EPM2A: variants seen among roughly 807,000 people sequenced by gnomAD.
EPM2A encodes laforin.
A neutral mutation model predicts 26.5 loss-of-function variants in EPM2A; 21 were observed. That is an observed-to-expected ratio of 0.79 (90% CI 0.56 to 1.14). The LOEUF is 1.14. Ranked by LOEUF, EPM2A falls within the 50% of genes most tolerant of loss-of-function variation. EPM2A has a pLI of 0.00. For synonymous variants in EPM2A, 217 were observed against 177.6 expected (o/e 1.22, Z -1.76); for missense variants, 458 against 440.8 (o/e 1.04, Z -0.35).
intron 4 of EPM2A, among the ~76,000 whole-genome samples, chr6:145,385,066 G>A (rs984628217): frequency 2.0e-5 from 3 of 147,702 alleles, no homozygotes. Context: ...CAGATGTTTA[G>A]AATAAATAAA....
rs537478468 is a variant in EPM2A, at chr6:145,555,782, T to C, written c.341-53207A>G. Among the ~76,000 whole-genome samples, 4 of 152,222 alleles carry C rather than the reference T, an allele frequency of 2.6e-5. No homozygotes were observed. In the South Asian group the frequency reaches 8.3e-4, roughly 32 times the overall value. On this transcript the variant is annotated intron_variant, in intron 2 of 3. Coordinates refer to the EPM2A transcript ENST00000450221. ...CAAGGCCAGTAGCCCAATCTGTTCC[T>C]CTAACCTAACTTGGCTTTGCTCTCT...
chr6:145,518,870 G>A (rs1002284075), intron 2 of EPM2A, among the ~76,000 whole-genome samples: 1 of 152,124 alleles, frequency 6.6e-6, no homozygotes, highest in Non-Finnish European at 1.5e-5. Flanking sequence ...AACATATATG[G>A]TGCAACTGTG....
At chr6:145,435,409 TTATATATATA>T (rs3063952) in intron 4 of EPM2A, among the ~76,000 whole-genome samples, 1 of 126,598 alleles carries the variant, frequency 7.9e-6, no homozygotes, top group Non-Finnish European at 1.7e-5. Context: ...AGTGAAGAAT[TTATATATATA>T]TATATATATA....
intron 2 of EPM2A, among the ~76,000 whole-genome samples, chr6:145,543,636 G>T (rs969194019): frequency 1.1e-4 from 16 of 152,134 alleles, no homozygotes; most frequent in African/African-American, 3.6e-4. Flanking sequence ...TTTCATCAAA[G>T]AAGGGGTTTC....
intron 1 of EPM2A, among the ~76,000 whole-genome samples, chr6:145,706,156 T>G (rs540355882): frequency 6.6e-6 from 1 of 152,334 alleles, no homozygotes; most frequent in Non-Finnish European, 1.5e-5. Flanking sequence ...TAGTACTTTA[T>G]CAGTGTAAAT....
chr6:145,662,847 T>A (rs1040265160), intron 2 of EPM2A, among the ~76,000 whole-genome samples: 2 of 152,290 alleles, frequency 1.3e-5, no homozygotes, highest in East Asian at 1.9e-4. Flanking sequence ...AAAGTGCTTA[T>A]ATAGGCCCTT....
chr6:145,417,891 G>A (rs1236539869), intron 4 of EPM2A, among the ~76,000 whole-genome samples: 2 of 152,038 alleles, frequency 1.3e-5, no homozygotes, highest in African/African-American at 2.4e-5. Flanking sequence ...TCCAGCAGCT[G>A]AGCCACACTC....
At chr6:145,594,194 A>G (rs1781310105) in intron 2 of EPM2A, among the ~76,000 whole-genome samples, 1 of 151,942 alleles carries the variant, frequency 6.6e-6, no homozygotes, top group South Asian at 2.1e-4. Context: ...AAAGACATAA[A>G]ATACCAAAGC....
chr6:145,692,194 A>T (rs926523285), intron 1 of EPM2A, among the ~76,000 whole-genome samples: 31 of 152,018 alleles, frequency 2.0e-4, no homozygotes, highest in African/African-American at 7.5e-4. Flanking sequence ...TGTATATATC[A>T]AACAGTAAGG....
At chr6:145,621,793 T>C (rs971584181), downstream of EPM2A, among the ~76,000 whole-genome samples, 8 of 152,198 alleles carry the variant, frequency 5.3e-5, no homozygotes, top group African/African-American at 1.9e-4. Flanking sequence ...TTGAGTTATT[T>C]GTTCTTTTGC....
intron 2 of EPM2A, among the ~76,000 whole-genome samples, chr6:145,575,785 T>G (rs1781022813): frequency 6.6e-6 from 1 of 152,194 alleles, no homozygotes; most frequent in Non-Finnish European, 1.5e-5. Flanking sequence ...TCCTTAGCAT[T>G]TTTGGGTCTA....
chr6:145,599,148 G>A (rs771211721), intron 2 of EPM2A, among the ~76,000 whole-genome samples: 2 of 152,130 alleles, frequency 1.3e-5, no homozygotes, highest in African/African-American at 4.8e-5. Flanking sequence ...TGTGAAGTAC[G>A]TCATTGGTAG....
chr6:145,525,173 C>T (rs1780253839), intron 2 of EPM2A, among the ~76,000 whole-genome samples: 1 of 151,952 alleles, frequency 6.6e-6, no homozygotes, highest in Admixed American at 6.6e-5. Flanking sequence ...TTACTGCAGC[C>T]TTACAGTACA....
intron 2 of EPM2A, among the ~76,000 whole-genome samples, chr6:145,540,314 T>A (rs73004508): frequency 2.0e-5 from 3 of 152,358 alleles, no homozygotes; most frequent in Non-Finnish European, 4.4e-5. Flanking sequence ...AAGTTACTGA[T>A]GCTGTGAAAG....
chr6:145,665,011 G>A (rs1779060319), intron 2 of EPM2A, among the ~76,000 whole-genome samples: 2 of 108,248 alleles, frequency 1.8e-5, no homozygotes, highest in Non-Finnish European at 3.7e-5. Context: ...CGCATTCAAA[G>A]CAGTGTGTAG....
intron 2 of EPM2A, among the ~76,000 whole-genome samples, chr6:145,547,332 CCTT>C (rs374547100): frequency 2.0e-5 from 3 of 152,086 alleles, no homozygotes; most frequent in African/African-American, 7.2e-5. Context: ...CTCTGGCTCT[CCTT>C]CTTCTGAGAC....
intron 2 of EPM2A, among the ~76,000 whole-genome samples, chr6:145,602,009 T>C (rs7762536): frequency 0.47 from 71,284 of 152,070 alleles, 17,507 homozygotes; most frequent in African/African-American, 0.6. Context: ...ATTAAATGAC[T>C]TCTTGTCATA....
intron 2 of EPM2A, among the ~76,000 whole-genome samples, chr6:145,677,698 A>G (rs1780168612): frequency 6.6e-6 from 1 of 152,182 alleles, no homozygotes; most frequent in East Asian, 1.9e-4. Flanking sequence ...AGAGAATAAA[A>G]TACCTAGGAA....
chr6:145,484,719 C>T (rs1160341309), intron 4 of EPM2A, among the ~76,000 whole-genome samples: 6 of 151,820 alleles, frequency 4.0e-5, no homozygotes, highest in Admixed American at 6.6e-5. Context: ...TTTACCATGT[C>T]CACATAAATG....
Sources: allele counts gnomAD v4.1 joint callset (sites outside exome capture counted in the v4.1 genomes callset), GRCh38; gene constraint gnomAD v4.1.1; transcripts MANE v1.5; gene names NCBI Gene and HGNC (gene_info 2026-07-23, HGNC 2026-07-21).